The following VDAC2 variants were observed in gnomAD, a reference collection of about 807,000 sequenced individuals.
VDAC2 encodes the protein non-selective voltage-gated ion channel VDAC2.
VDAC2 carries 6 observed loss-of-function variants against 36.6 expected under a neutral mutation model. The observed-to-expected ratio is 0.16, with a 90% CI of 0.09 to 0.32. The LOEUF is 0.32. Ranked by LOEUF, VDAC2 falls within the 10% of genes least tolerant of loss-of-function variation. The pLI, the probability that VDAC2 is intolerant of heterozygous loss-of-function variation, is 1.00. For synonymous variants in VDAC2, 109 were observed against 123.8 expected, an observed-to-expected ratio of 0.88 and a Z score of 0.79; for missense variants, 247 against 346.0, an observed-to-expected ratio of 0.71 and a Z score of 2.27.
At position 75,230,943 on chromosome 10, in the gene VDAC2, A is replaced by G. The variant is rs1002384011; in HGVS notation, c.839A>G (p.Asn280Ser). 4.3e-6 allele frequency: 7 copies of G among 1,613,322 alleles called. No individual in the cohort carries two copies. Among genetic ancestry groups the G allele is most frequent in the Non-Finnish European group, 5.9e-6 (7 of 1,179,798 alleles). The change falls in exon 10 of 10, where the codon AAT becomes AGT. Residue 280 changes from asparagine to serine, a missense_variant. Physicochemically the swap from Asn to Ser is conservative, Grantham distance 46. This residue lies in a region of VDAC2 where 159 missense variants were observed against 234.0 expected (regional missense o/e 0.68). Transcript: ENST00000332211. ...GCTCTGGTAGATGGGAAGAGCATTA[A>G]TGCTGGAGGCCACAAGGTTGGGCTC... The part of the protein sequence containing the change: ...LSALVDGKSI[N>S]AGGHKVGLAL...
intron 3 of VDAC2, among the ~76,000 whole-genome samples, chr10:75,212,999 C>T (rs926563956): frequency 2.0e-5 from 3 of 151,996 alleles, no homozygotes; most frequent in Admixed American, 1.3e-4. Flanking sequence ...TGTTCCATAC[C>T]CTCCTCCCCT....
At chr10:75,226,172 ATATG>A (rs1841946180) in intron 8 of VDAC2, among the ~76,000 whole-genome samples, 1 of 152,132 alleles carries the variant, frequency 6.6e-6, no homozygotes, top group African/African-American at 2.4e-5. Context: ...ACTCTTGTAG[ATATG>A]TCTGTTATAT....
chr10:75,225,853 C>G (rs901186022), intron 8 of VDAC2, among the ~76,000 whole-genome samples: 1 of 151,936 alleles, frequency 6.6e-6, no homozygotes, highest in Non-Finnish European at 1.5e-5. Flanking sequence ...AGTGCAGTGG[C>G]GTGATCTCGG....
intron 4 of VDAC2, 78 bp from the exon 5 acceptor site, chr10:75,218,985 T>A: frequency 2.1e-6 from 3 of 1,424,684 alleles, no homozygotes; most frequent in Non-Finnish European, 2.9e-6. Flanking sequence ...AGGGGGTTTG[T>A]GTGTGTGTGC....
intron 2 of VDAC2, chr10:75,211,446 G>A: frequency 1.3e-6 from 2 of 1,490,246 alleles, no homozygotes; most frequent in Non-Finnish European, 1.8e-6. Flanking sequence ...ACGTATAGAA[G>A]TAAAAAGTTG....
intron 8 of VDAC2, among the ~76,000 whole-genome samples, chr10:75,227,763 T>C (rs1274298786): frequency 6.6e-6 from 1 of 151,644 alleles, no homozygotes; most frequent in Non-Finnish European, 1.5e-5. Context: ...ATTTTTGTAG[T>C]TTTAGTAGAG....
intron 2 of VDAC2, 128 bp downstream of exon 2, chr10:75,211,317 A>G: frequency 2.1e-6 from 3 of 1,428,368 alleles, no homozygotes; most frequent in Non-Finnish European, 2.8e-6. Context: ...TGGTCGCCCC[A>G]CCGTCTGACC....
At chr10:75,217,543 A>G (rs1841644073) in intron 4 of VDAC2, among the ~76,000 whole-genome samples, 1 of 152,032 alleles carries the variant, frequency 6.6e-6, no homozygotes, top group Non-Finnish European at 1.5e-5. Context: ...ATGCCCGGCT[A>G]ATTTTTGTAT....
chr10:75,228,336 G>C (rs958384322), intron 8 of VDAC2, among the ~76,000 whole-genome samples: 1 of 149,700 alleles, frequency 6.7e-6, no homozygotes, highest in Admixed American at 6.7e-5. Context: ...ACAGCTCACT[G>C]TGCCCTCAGC....
chr10:75,210,425 A>T (rs1841362913), upstream of VDAC2, among the ~76,000 whole-genome samples: 1 of 152,178 alleles, frequency 6.6e-6, no homozygotes, highest in South Asian at 2.1e-4. Context: ...TAAGGGGAGT[A>T]GGAGAGATCT....
At chr10:75,216,795 A>AC (rs1284860136) in intron 4 of VDAC2, among the ~76,000 whole-genome samples, 2 of 152,186 alleles carry the variant, frequency 1.3e-5, no homozygotes, top group Non-Finnish European at 2.9e-5. Context: ...AGCTACTCAC[A>AC]CATTCCCCAT....
chr10:75,220,452 C>T (rs938267399), intron 6 of VDAC2, among the ~76,000 whole-genome samples: 1 of 152,190 alleles, frequency 6.6e-6, no homozygotes, highest in African/African-American at 2.4e-5. Flanking sequence ...ATTGGCTTGC[C>T]TTCAAATATT....
Position 75,229,706 on chromosome 10 carries a change from GTATT to G in VDAC2, c.793+6_793+9del. 1 of 1,594,950 alleles carries G rather than the reference GTATT, an allele frequency of 6.3e-7. No homozygotes were observed. The highest frequency in any genetic ancestry group is 8.5e-7 in the Non-Finnish European group (1 of 1,173,886). On this transcript the variant is annotated splice_donor_region_variant and intron_variant, in intron 9 of 9. Coordinates refer to ENST00000332211, the MANE Select transcript of VDAC2 (RefSeq NM_001391963.1). ...ATACTCAGACTCTGAGGCCTGGTAA[GTATT>G]CTTGATAAAGTAGGATTGTTTTGAT...
At chr10:75,212,967 A>AT (rs1354662892) in intron 3 of VDAC2, among the ~76,000 whole-genome samples, 2 of 152,120 alleles carry the variant, frequency 1.3e-5, no homozygotes, top group Non-Finnish European at 2.9e-5. Flanking sequence ...TTTCAGGTGA[A>AT]TTTGAGTTTT....
intron 8 of VDAC2, among the ~76,000 whole-genome samples, chr10:75,227,009 G>C (rs1841973716): frequency 6.6e-6 from 1 of 152,232 alleles, no homozygotes; most frequent in Non-Finnish European, 1.5e-5. Context: ...ACTGAGTCCA[G>C]GGGGCCTTCA....
At position 75,210,869 on chromosome 10, in the gene VDAC2, C is replaced by G. The variant is rs904627030; in HGVS notation, c.-95C>G. On this transcript the variant is annotated 5_prime_UTR_variant, in exon 1 of 10. Transcript: ENST00000332211. Reference sequence around the variant, plus strand: ...TCCAGCTGCTGGAGCTGCAGCCCGACCGCGAGCGTGCCAAGCGGCTTCAGC... The same window carrying G: ...TCCAGCTGCTGGAGCTGCAGCCCGAGCGCGAGCGTGCCAAGCGGCTTCAGC... 1.0e-4 allele frequency: 37 copies of G among 353,392 alleles called. No individual in the cohort carries two copies. Among genetic ancestry groups the G allele is most frequent in the Non-Finnish European group, 1.7e-4 (33 of 195,892 alleles). 21.9% of individuals were successfully genotyped at this position (353,392 alleles called of 1,614,324 possible).
chr10:75,219,324 G>C lies in VDAC2; in HGVS notation c.324G>C (p.Leu108=). Residue 108 remains leucine (L), a synonymous_variant, in exon 6 of 10, where the codon CTG becomes CTC. Coordinates refer to ENST00000332211, the MANE Select transcript of VDAC2 (RefSeq NM_001391963.1). ...IEDQICQGLK[L]TFDTTFSPNT... is the part of the protein sequence containing the mutation. The stretch of plus-strand genomic sequence containing the variant: ...AATAGATTTGTCAAGGTTTGAAACT[G>C]ACATTTGATACTACCTTCTCACCAA... 1 of 1,600,518 alleles carries C rather than the reference G, an allele frequency of 6.2e-7. No homozygotes were observed. The highest frequency in any genetic ancestry group is 8.5e-7 in the Non-Finnish European group (1 of 1,174,318).
Position 75,218,001 on chromosome 10 carries a change from T to C in VDAC2, c.151-1062T>C, listed in dbSNP as rs182930267. 3.3e-6 allele frequency: 4 copies of C among 1,210,866 alleles called. No individual in the cohort carries two copies. In the East Asian group the frequency reaches 2.3e-4, roughly 69 times the overall value. 75.0% of individuals were successfully genotyped at this position (1,210,866 alleles called of 1,614,324 possible). A position where few individuals can be genotyped will look rare whatever the true frequency, so the allele number is the denominator to read the frequency against. On this transcript the variant is annotated intron_variant, in intron 4 of 9. Coordinates refer to ENST00000332211, the MANE Select transcript of VDAC2 (RefSeq NM_001391963.1). ...TACTCAGGAGGCTGAGGTACGTGGA[T>C]CACTTGAGCCTGGGAGGTTGAGGCT...
intron 8 of VDAC2, among the ~76,000 whole-genome samples, chr10:75,222,711 AAAT>A (rs1841850188): frequency 6.6e-6 from 1 of 152,044 alleles, no homozygotes; most frequent in African/African-American, 2.4e-5. Flanking sequence ...ACTGTGTCAG[AAAT>A]AATAGTGCTT....
Sources: gnomAD v4.1 joint callset for allele counts (sites outside exome capture counted in the v4.1 genomes callset) on GRCh38, gnomAD v4.1.1 for gene constraint, gnomAD v4.1.1 regional missense constraint, MANE v1.5 for transcripts, NCBI Gene and HGNC (gene_info 2026-07-23, HGNC 2026-07-21) for gene names.